Variants in PLK4 observed in about 807,000 individuals in gnomAD.
PLK4 encodes polo like kinase 4, also known as serine/threonine-protein kinase PLK4.
PLK4 carries 51 observed loss-of-function variants against 103.0 expected under a neutral mutation model. The ratio of observed to expected loss-of-function variants is 0.50; its 90% CI spans 0.40 to 0.63. PLK4 has a LOEUF of 0.63. PLK4 is among the 20% of genes least tolerant of loss of function. The probability of loss-of-function intolerance (pLI) is 0.00; values close to 1 mark genes in which losing one functional copy is unlikely to be tolerated. For synonymous variants in PLK4, 389 were observed against 376.8 expected, an observed-to-expected ratio of 1.03 and a Z score of -0.38; for missense variants, 1,054 against 1,151.0, an observed-to-expected ratio of 0.92 and a Z score of 1.22.
intron 14 of PLK4, among the ~76,000 whole-genome samples, chr4:127,895,958 C>T (rs758921920): frequency 7.9e-5 from 12 of 152,078 alleles, no homozygotes; most frequent in Non-Finnish European, 1.8e-4. Flanking sequence ...AGTTGTGAAC[C>T]TATATGTGTA....
At chr4:127,882,373 G>A (rs1441299284) in intron 2 of PLK4, among the ~76,000 whole-genome samples, 1 of 152,026 alleles carries the variant, frequency 6.6e-6, no homozygotes, top group African/African-American at 2.4e-5. Context: ...TAATCTCAAC[G>A]CTTTGGGAGG....
At chr4:127,884,817 G>C (rs1021987636) in intron 4 of PLK4, among the ~76,000 whole-genome samples, 2 of 152,012 alleles carry the variant, frequency 1.3e-5, no homozygotes, top group Non-Finnish European at 2.9e-5. Context: ...GTGCTCTCCT[G>C]TAATCCCAGC....
Position 127,886,498 on chromosome 4 carries a change from T to C in PLK4, c.1128T>C (p.Ala376=), listed in dbSNP as rs773476514. Residue 376 remains alanine (A), a synonymous_variant, in exon 5 of 16, where the codon GCT becomes GCC. Coordinates refer to ENST00000270861, the MANE Select transcript of PLK4 (RefSeq NM_014264.5). Reference sequence around the variant, plus strand: ...CACATTCTCGATACCTTCGTAGAGCTTATTCCTCTGATAGATCTGGCACTT... The same window carrying C: ...CACATTCTCGATACCTTCGTAGAGCCTATTCCTCTGATAGATCTGGCACTT... ...ERPHSRYLRR[A]YSSDRSGTSN... is the part of the protein sequence containing the mutation. 1.2e-6 allele frequency: 2 copies of C among 1,613,894 alleles called. No homozygotes were observed. Among genetic ancestry groups the C allele is most frequent in the Non-Finnish European group, 1.7e-6 (2 of 1,179,760 alleles).
chr4:127,888,700 G>A (rs187493247), intron 6 of PLK4, among the ~76,000 whole-genome samples: 7 of 152,218 alleles, frequency 4.6e-5, no homozygotes, highest in Non-Finnish European at 1.0e-4. Flanking sequence ...TAATGAACAT[G>A]ACAGATTCAC....
At chr4:127,896,981 G>A in intron 15 of PLK4, 74 bp downstream of exon 15, 2 of 743,158 alleles carry the variant, frequency 2.7e-6, no homozygotes, top group South Asian at 3.2e-5. Flanking sequence ...TGAAATGGAT[G>A]ATTTAATAAA....
chr4:127,895,448 CTTTCTTTTTTTTT>C (rs1164458648), intron 14 of PLK4, among the ~76,000 whole-genome samples: 1 of 75,282 alleles, frequency 1.3e-5, no homozygotes, highest in African/African-American at 6.1e-5. Flanking sequence ...AGTAGAGTAA[CTTTCTTTTTTTTT>C]TTTTTTTTTT....
chr4:127,885,711 G>T lies in PLK4; in HGVS notation c.341G>T (p.Arg114Leu). The T allele has an allele frequency of 1.3e-6, 2 of 1,598,382 alleles. No homozygotes were observed. The highest frequency in any genetic ancestry group is 2.3e-5 in the South Asian group (2 of 88,500). The change falls in exon 5 of 16, where the codon CGA (arginine) becomes CTA (leucine). Residue 114 changes from arginine (R) to leucine (L), a missense_variant. Arg to Leu is a moderately radical substitution (Grantham distance 102). Transcript: ENST00000270861. ...CTCTTTTTTAAAATCCTAACAGCTC[G>T]ACACTTCATGCACCAGATCATCACA... Reference protein sequence around the residue: ...RVKPFSENEARHFMHQIITGM... With the variant: ...RVKPFSENEALHFMHQIITGM...
At chr4:127,896,454 C>A (rs1282802875) in intron 14 of PLK4, among the ~76,000 whole-genome samples, 1 of 151,966 alleles carries the variant, frequency 6.6e-6, no homozygotes, top group Admixed American at 6.6e-5. Flanking sequence ...TTAAGAAATA[C>A]TAAATATTTC....
chr4:127,894,656 C>T (rs1406711911), intron 13 of PLK4, among the ~76,000 whole-genome samples: 1 of 151,930 alleles, frequency 6.6e-6, no homozygotes, highest in Admixed American at 6.5e-5. Context: ...AAAAATGCAA[C>T]ATTAAAGAAA....
intron 9 of PLK4, chr4:127,891,911 A>G (rs1735374488): frequency 1.8e-5 from 5 of 272,896 alleles, no homozygotes; most frequent in Middle Eastern, 1.1e-3. Context: ...ACTCTAGAAC[A>G]TTAGTCATAT....
At chr4:127,888,597 G>C (rs1238208840) in intron 6 of PLK4, among the ~76,000 whole-genome samples, 1 of 152,174 alleles carries the variant, frequency 6.6e-6, no homozygotes, top group Non-Finnish European at 1.5e-5. Context: ...TCACACTAAA[G>C]TACAGAGCTA....
chr4:127,895,128 A>G (rs1269172416), intron 14 of PLK4, 35 bp downstream of exon 14: 2 of 1,433,698 alleles, frequency 1.4e-6, no homozygotes, highest in Admixed American at 2.4e-5. Flanking sequence ...TTTTCTCAGT[A>G]TGAATTTCTT....
In PLK4 at chr4:127,886,158, C is replaced by T. The variant is rs756436619; in HGVS notation, c.788C>T (p.Pro263Leu). 1 of 1,613,964 alleles carries T rather than the reference C, an allele frequency of 6.2e-7. No homozygotes were observed. The highest frequency in any genetic ancestry group is 2.2e-5 in the East Asian group (1 of 44,884). The change falls in exon 5 of 16, where the codon CCT (proline) becomes CTT (leucine). Residue 263 changes from proline (P) to leucine (L), a missense_variant. By Grantham distance (98) the Pro-to-Leu change is moderately conservative. Around this residue, in one of 4 missense-constraint regions of PLK4, gnomAD observed 680 missense variants for 660.3 expected, o/e 1.03. Transcript: ENST00000270861. ...RLSLSSVLDH[P>L]FMSRNSSTKS... is the part of the protein sequence containing the mutation. ...AGTCTGTCTTCAGTATTGGACCATC[C>T]TTTTATGTCCCGAAATTCTTCAACA... is the stretch of plus-strand genomic sequence containing the variant.
At chr4:127,890,394 A>C (rs1735310040) in intron 7 of PLK4, among the ~76,000 whole-genome samples, 158 bp downstream of exon 7, 1 of 152,132 alleles carries the variant, frequency 6.6e-6, no homozygotes, top group Admixed American at 6.6e-5. Flanking sequence ...TTATGGAAAA[A>C]CAGCTCTTAT....
At chr4:127,891,411 CTT>C (rs1735353885) in intron 8 of PLK4, among the ~76,000 whole-genome samples, 166 bp from the exon 9 acceptor site, 1 of 151,330 alleles carries the variant, frequency 6.6e-6, no homozygotes, top group African/African-American at 2.4e-5. Flanking sequence ...AAAATCTAAA[CTT>C]TTGGTTTAAG....
At position 127,886,446 on chromosome 4, in the gene PLK4, G is replaced by A. The variant is rs1394005536; in HGVS notation, c.1076G>A (p.Arg359Lys). ...NQETSNSGRG[R>K]VIQDAEERPH... ...GAAACCAGTAATAGTGGAAGGGGAA[G>A]AGTAATTCAAGATGCAGAAGAAAGG... Residue 359 changes from arginine to lysine, a missense_variant, in exon 5 of 16, where the codon AGA becomes AAA. By Grantham distance (26) the Arg-to-Lys change is conservative (BLOSUM62 2). Coordinates refer to ENST00000270861, the MANE Select transcript of PLK4 (RefSeq NM_014264.5). The A allele has an allele frequency of 1.2e-6, 2 of 1,614,132 alleles. No individual in the cohort carries two copies. Among genetic ancestry groups the A allele is most frequent in the Non-Finnish European group, 1.7e-6 (2 of 1,179,970 alleles).
In PLK4 at chr4:127,891,074, G is replaced by GT. The variant is rs1363170974; in HGVS notation, c.1831-18_1831-17insT. 10 of 1,199,624 alleles carry GT rather than the reference G, an allele frequency of 8.3e-6. No individual in the cohort carries two copies. The highest frequency in any genetic ancestry group is 4.9e-5 in the East Asian group (2 of 41,094). 74.3% of individuals were successfully genotyped at this position (1,199,624 alleles called of 1,614,324 possible). ...AACAAAAGAATTATTACTGATTTTGGGTTTTTTTTTTTTTTAGGTGAGCAT... is the reference window on the plus strand; with the variant it reads ...AACAAAAGAATTATTACTGATTTTGGTGTTTTTTTTTTTTTTAGGTGAGCAT... On this transcript the variant is annotated splice_polypyrimidine_tract_variant and intron_variant, in intron 7 of 15. Transcript: ENST00000270861.
At chr4:127,887,584 A>G in intron 6 of PLK4, 88 bp downstream of exon 6, 1 of 822,962 alleles carries the variant, frequency 1.2e-6, no homozygotes, top group Non-Finnish European at 2.0e-6. Context: ...TTTTTAAAGA[A>G]AATCATTTTC....
Position 127,885,790 on chromosome 4 carries a change from T to C in PLK4, c.420T>C (p.Ser140=). Residue 140 remains serine (S), a synonymous_variant, in exon 5 of 16, where the codon TCT becomes TCC. Transcript: ENST00000270861. ...HGILHRDLTL[S]NLLLTRNMNI... ...TACTACACCGGGACCTCACACTTTC[T>C]AACCTCCTACTGACTCGTAATATGA... 1 of 1,613,948 alleles carries C rather than the reference T, an allele frequency of 6.2e-7. No homozygotes were observed. Among genetic ancestry groups the C allele is most frequent in the Non-Finnish European group, 8.5e-7 (1 of 1,179,804 alleles).
Sources: gnomAD v4.1 joint callset for allele counts (sites outside exome capture counted in the v4.1 genomes callset) on GRCh38, gnomAD v4.1.1 for gene constraint, gnomAD v4.1.1 regional missense constraint, MANE v1.5 for transcripts, NCBI Gene and HGNC (gene_info 2026-07-23, HGNC 2026-07-21) for gene names.